SLC35F1: variants seen among roughly 807,000 people sequenced by gnomAD.
The protein encoded by SLC35F1 is chromosome 6 open reading frame 169.
Under a neutral mutation model 48.7 loss-of-function variants are expected in SLC35F1, and 14 were observed. The ratio of observed to expected loss-of-function variants is 0.29; its 90% confidence interval spans 0.19 to 0.45. The LOEUF is 0.45. Among genes scored for constraint, SLC35F1 ranks in the 20% least tolerant of loss-of-function variants. SLC35F1 has a pLI of 1.00. For synonymous variants in SLC35F1, 190 were observed against 202.2 expected, an observed-to-expected ratio of 0.94 and a Z score of 0.51; for missense variants, 404 against 500.0, an observed-to-expected ratio of 0.81 and a Z score of 1.83.
At chr6:118,267,356 G>A (rs535441673) in intron 4 of SLC35F1, among the ~76,000 whole-genome samples, 1 of 152,322 alleles carries the variant, frequency 6.6e-6, no homozygotes, top group East Asian at 1.9e-4. Context: ...GCATGAGTTT[G>A]CAAAATACAG....
chr6:118,290,724 C>T (rs1776110284), intron 7 of SLC35F1, among the ~76,000 whole-genome samples: 1 of 151,902 alleles, frequency 6.6e-6, no homozygotes, highest in African/African-American at 2.4e-5. Flanking sequence ...AGAGCCAGAA[C>T]AGGGAGAAGT....
rs544943514 is a variant in SLC35F1, at chr6:118,068,230, C to T, written c.174-86215C>T. 2.4e-4 allele frequency among the ~76,000 whole-genome samples: 36 copies of T among 152,270 alleles called. No individual in the cohort carries two copies. The South Asian group carries it at 5.6e-3, about 24-fold the overall frequency. On this transcript the variant is annotated intron_variant, in intron 1 of 7. Coordinates refer to ENST00000360388, the MANE Select transcript of SLC35F1 (RefSeq NM_001029858.4). ...GACTCACCAATCTTCTCCAGAAACACGTTCACAGACACACCTAAAAATAAT... is the reference window on the plus strand; with the variant it reads ...GACTCACCAATCTTCTCCAGAAACATGTTCACAGACACACCTAAAAATAAT...
chr6:117,920,684 A>G (rs1227028821), intron 1 of SLC35F1, among the ~76,000 whole-genome samples: 3 of 152,142 alleles, frequency 2.0e-5, no homozygotes, highest in African/African-American at 7.2e-5. Context: ...ACAGTGCAGG[A>G]TTTACAAAGA....
chr6:118,024,388 T>C (rs894805988), intron 1 of SLC35F1, among the ~76,000 whole-genome samples: 2 of 152,246 alleles, frequency 1.3e-5, no homozygotes, highest in Non-Finnish European at 2.9e-5. Flanking sequence ...CATATAATTT[T>C]AGCAATGGAG....
At position 118,017,757 on chromosome 6, in the gene SLC35F1, G is replaced by A. The variant is rs1461294169; in HGVS notation, c.173+109858G>A. Among the ~76,000 whole-genome samples, 3 of 152,300 alleles carry A rather than the reference G, an allele frequency of 2.0e-5. No individual in the cohort carries two copies. The East Asian group carries it at 5.8e-4, about 29-fold the overall frequency. On this transcript the variant is annotated intron_variant, in intron 1 of 7. Coordinates refer to ENST00000360388, the MANE Select transcript of SLC35F1 (RefSeq NM_001029858.4). ...TTGTTTTCTAAGATCATTATAATAA[G>A]AGAGAGACTGGACTGTAGTGAGCCT...
At chr6:118,200,676 C>T (rs1361854817) in intron 2 of SLC35F1, among the ~76,000 whole-genome samples, 2 of 152,104 alleles carry the variant, frequency 1.3e-5, no homozygotes, top group African/African-American at 4.8e-5. Context: ...TCTGTTATAC[C>T]CCAGTGTGTT....
intron 1 of SLC35F1, among the ~76,000 whole-genome samples, chr6:118,006,443 C>A (rs750080560): frequency 2.6e-5 from 4 of 151,710 alleles, no homozygotes; most frequent in Non-Finnish European, 5.9e-5. Context: ...ATGATGAGAC[C>A]CCATCTCTAC....
intron 1 of SLC35F1, among the ~76,000 whole-genome samples, chr6:118,035,660 C>A (rs1447213131): frequency 1.3e-4 from 20 of 150,406 alleles, no homozygotes; most frequent in South Asian, 4.2e-4. Flanking sequence ...ACCAAAAAAA[C>A]CCCCAACATT....
At chr6:118,081,408 A>T (rs1772906238) in intron 1 of SLC35F1, among the ~76,000 whole-genome samples, 1 of 151,926 alleles carries the variant, frequency 6.6e-6, no homozygotes, top group African/African-American at 2.4e-5. Context: ...AGATGGGAGG[A>T]TTGCTTGAGA....
At chr6:117,950,611 G>C (rs967447695) in intron 1 of SLC35F1, among the ~76,000 whole-genome samples, 3 of 152,140 alleles carry the variant, frequency 2.0e-5, no homozygotes, top group African/African-American at 7.2e-5. Flanking sequence ...GAATGACAAT[G>C]GCTCTGGCTA....
intron 1 of SLC35F1, among the ~76,000 whole-genome samples, chr6:117,946,911 C>A (rs1348896389): frequency 6.6e-6 from 1 of 152,274 alleles, no homozygotes; most frequent in Middle Eastern, 3.4e-3. Flanking sequence ...CAGGTGTTTA[C>A]TGAGTGCCTG....
At chr6:118,057,355 G>A (rs1305964645) in intron 1 of SLC35F1, among the ~76,000 whole-genome samples, 1 of 152,114 alleles carries the variant, frequency 6.6e-6, no homozygotes, top group African/African-American at 2.4e-5. Context: ...ATACACTTCT[G>A]CCAATCCCAG....
At chr6:118,266,055 G>T (rs1775769721) in intron 3 of SLC35F1, among the ~76,000 whole-genome samples, 1 of 152,178 alleles carries the variant, frequency 6.6e-6, no homozygotes. Context: ...TTCATATGTA[G>T]TATCTCTGAG....
chr6:118,257,534 T>G (rs1042894463), intron 3 of SLC35F1, among the ~76,000 whole-genome samples: 14 of 152,186 alleles, frequency 9.2e-5, no homozygotes, highest in African/African-American at 3.4e-4. Context: ...TCTTGGGGTC[T>G]TTTAGGTGAA....
At chr6:118,302,489 CA>C (rs1776265213) in intron 7 of SLC35F1, among the ~76,000 whole-genome samples, 1 of 152,174 alleles carries the variant, frequency 6.6e-6, no homozygotes, top group African/African-American at 2.4e-5. Flanking sequence ...TTTCAAGTTA[CA>C]GGTCTTTTTA....
chr6:118,106,732 C>T (rs893518815), intron 1 of SLC35F1, among the ~76,000 whole-genome samples: 21 of 152,282 alleles, frequency 1.4e-4, no homozygotes, highest in African/African-American at 4.6e-4. Flanking sequence ...AACTTCATGC[C>T]CTTTCTGTAA....
intron 3 of SLC35F1, among the ~76,000 whole-genome samples, chr6:118,244,110 C>T (rs552731014): frequency 6.6e-6 from 1 of 152,332 alleles, no homozygotes; most frequent in East Asian, 1.9e-4. Context: ...GGCATAAACA[C>T]CTGCATATCA....
At chr6:118,049,368 T>A (rs1432242781) in intron 1 of SLC35F1, among the ~76,000 whole-genome samples, 1 of 151,932 alleles carries the variant, frequency 6.6e-6, no homozygotes, top group African/African-American at 2.4e-5. Flanking sequence ...ACAAATGGGA[T>A]CTAATTAAAC....
intron 1 of SLC35F1, among the ~76,000 whole-genome samples, chr6:118,130,342 A>G (rs1773691595): frequency 6.6e-6 from 1 of 152,170 alleles, no homozygotes; most frequent in Admixed American, 6.5e-5. Context: ...CTTCATCTGC[A>G]AAAGTGAAGA....
Sources: gnomAD v4.1 joint callset for allele counts (sites outside exome capture counted in the v4.1 genomes callset) on GRCh38, gnomAD v4.1.1 for gene constraint, MANE v1.5 for transcripts, NCBI Gene and HGNC (gene_info 2026-07-23, HGNC 2026-07-21) for gene names.